Variants in ANKRD11 observed in about 807,000 individuals in gnomAD.
ANKRD11 encodes the protein ankyrin repeat domain 11, also known as ankyrin repeat domain-containing protein 11.
In ANKRD11, 17 loss-of-function variants were observed where a neutral mutation model predicts 195.7. The observed-to-expected ratio is 0.09, with a 90% CI of 0.06 to 0.13. The LOEUF (loss-of-function observed/expected upper bound fraction) is 0.13, where lower values mean the gene tolerates loss of function less well. Among genes scored for constraint, ANKRD11 ranks in the 10% least tolerant of loss-of-function variants. The pLI is 1.00. For synonymous variants in ANKRD11, 1,953 were observed against 1,528.1 expected (o/e 1.28, Z -6.49); for missense variants, 3,735 against 3,566.1 (o/e 1.05, Z -1.21).
intron 2 of ANKRD11, among the ~76,000 whole-genome samples, chr16:89,405,365 G>A (rs752117786): frequency 9.2e-5 from 14 of 152,022 alleles, no homozygotes; most frequent in Non-Finnish European, 1.8e-4. Flanking sequence ...GCTCTGTCAC[G>A]CAGGCTAGAG....
At chr16:89,399,133 C>G (rs1404891426) in intron 2 of ANKRD11, among the ~76,000 whole-genome samples, 2 of 152,202 alleles carry the variant, frequency 1.3e-5, no homozygotes, top group Non-Finnish European at 2.9e-5. Context: ...GAACACGGAG[C>G]AGGAGCATGA....
At chr16:89,439,542 G>C (rs1328980409) in intron 1 of ANKRD11, among the ~76,000 whole-genome samples, 1 of 152,172 alleles carries the variant, frequency 6.6e-6, no homozygotes, top group Non-Finnish European at 1.5e-5. Context: ...ATATGGGTGA[G>C]AAAACCCATC....
chr16:89,484,550 C>T (rs2152378854), intron 1 of ANKRD11, among the ~76,000 whole-genome samples: 1 of 152,298 alleles, frequency 6.6e-6, no homozygotes, highest in African/African-American at 2.4e-5. Context: ...AAGCCATTAG[C>T]ATCCTAAGTC....
intron 3 of ANKRD11, among the ~76,000 whole-genome samples, chr16:89,309,099 CCAT>C (rs1364756195): frequency 2.0e-5 from 3 of 152,322 alleles, no homozygotes; most frequent in South Asian, 2.1e-4. Context: ...CACCACACCA[CCAT>C]GTGACGCCAC....
chr16:89,318,250 C>T (rs2037083616), intron 2 of ANKRD11, among the ~76,000 whole-genome samples: 1 of 152,216 alleles, frequency 6.6e-6, no homozygotes, highest in Non-Finnish European at 1.5e-5. Context: ...CATGGGCCTC[C>T]TCCCTGCCTG....
chr16:89,428,405 A>G (rs1299784122), intron 1 of ANKRD11, among the ~76,000 whole-genome samples: 4 of 152,136 alleles, frequency 2.6e-5, no homozygotes, highest in South Asian at 2.1e-4. Flanking sequence ...GGGCGCCTAT[A>G]GTCCCAGCTG....
intron 4 of ANKRD11, among the ~76,000 whole-genome samples, chr16:89,294,595 C>T (rs1022462038): frequency 6.6e-6 from 1 of 152,184 alleles, no homozygotes; most frequent in Non-Finnish European, 1.5e-5. Flanking sequence ...GAAAGCCCCA[C>T]CCACGGAGCG....
At chr16:89,305,445 G>A in intron 3 of ANKRD11, 101 bp from the exon 4 acceptor site, 1 of 1,507,738 alleles carries the variant, frequency 6.6e-7, no homozygotes, top group Admixed American at 1.8e-5. Flanking sequence ...CTCTTATTTG[G>A]GCAATGAACA....
At chr16:89,384,550 GGGATGGGAATGGGACA>G (rs1244699433) in intron 2 of ANKRD11, among the ~76,000 whole-genome samples, 1 of 147,492 alleles carries the variant, frequency 6.8e-6, no homozygotes, top group Non-Finnish European at 1.5e-5. Flanking sequence ...GGGATGGGAT[GGGATGGGAATGGGACA>G]GGATGGGACG....
chr16:89,389,264 A>G (rs1375318217), intron 2 of ANKRD11, among the ~76,000 whole-genome samples: 2 of 152,054 alleles, frequency 1.3e-5, no homozygotes, highest in East Asian at 1.9e-4. Flanking sequence ...GGCTCAAGCA[A>G]TCTTCCCACC....
chr16:89,273,486 G>C (rs1368397095), intron 11 of ANKRD11, among the ~76,000 whole-genome samples: 2 of 152,086 alleles, frequency 1.3e-5, no homozygotes. Flanking sequence ...TGGATCATAA[G>C]GTCAAGAGAT....
chr16:89,441,418 T>C (rs574844103), intron 1 of ANKRD11, among the ~76,000 whole-genome samples: 2 of 152,032 alleles, frequency 1.3e-5, no homozygotes, highest in African/African-American at 2.4e-5. Context: ...ATATATTCCA[T>C]CACCCAGCAA....
intron 2 of ANKRD11, among the ~76,000 whole-genome samples, chr16:89,381,666 AC>A (rs1567724981): frequency 1.3e-5 from 2 of 152,068 alleles, no homozygotes; most frequent in Non-Finnish European, 2.9e-5. Flanking sequence ...CATCACAGAA[AC>A]CCACCTTCAG....
Position 89,291,266 on chromosome 16 carries a change from G to T in ANKRD11, c.227-83C>A, listed in dbSNP as rs917333551. 14 of 1,537,192 alleles carry T rather than the reference G, an allele frequency of 9.1e-6. No homozygotes were observed. The highest frequency in any genetic ancestry group is 1.2e-5 in the Non-Finnish European group (14 of 1,128,106). ...AGCTAGGTCCTTACCTAATGTTACG[G>T]AGCCCCCTGCGTCCACCTGACAGCT... On this transcript the variant is annotated intron_variant, in intron 4 of 12. Transcript: ENST00000301030. This position sits in a 1 kb window ranked among gnomAD's most constrained non-coding sequence, Gnocchi z 5.3.
intron 2 of ANKRD11, chr16:89,321,026 C>T (rs1021917727): frequency 2.0e-5 from 3 of 152,588 alleles, no homozygotes; most frequent in Admixed American, 2.0e-4. Context: ...AGGGAAGGCA[C>T]AGGGCAGGTT....
chr16:89,486,838 C>A (rs1034592393), intron 1 of ANKRD11, among the ~76,000 whole-genome samples: 5 of 151,950 alleles, frequency 3.3e-5, no homozygotes, highest in Non-Finnish European at 5.9e-5. Context: ...AAACTCCAGT[C>A]TCTACTAACA....
chr16:89,287,355 G>C (rs2034717631), intron 7 of ANKRD11: 1 of 291,358 alleles, frequency 3.4e-6, no homozygotes, highest in South Asian at 3.2e-5. Context: ...CCCCATGTGA[G>C]GCACTCACAA....
intron 2 of ANKRD11, among the ~76,000 whole-genome samples, chr16:89,349,346 GGCGGGC>G (rs1446133523): frequency 1.3e-5 from 2 of 150,626 alleles, no homozygotes; most frequent in Non-Finnish European, 3.0e-5. Context: ...CGGGCGTGGT[GGCGGGC>G]GCCTGTAGTC....
chr16:89,427,308 GAC>G lies in ANKRD11; in HGVS notation c.-144-8942_-144-8941del, dbSNP rs957646828. 2.8e-4 allele frequency among the ~76,000 whole-genome samples: 43 copies of G among 152,236 alleles called. 1 individual carries two copies. The highest frequency in any genetic ancestry group is 9.4e-4 in the African/African-American group (39 of 41,538). On this transcript the variant is annotated intron_variant, in intron 1 of 12. Transcript: ENST00000301030. ...AAAATCCCATATTCATGGATCAAAAGACACAGTGTCTTTACGACAGCAACACC... is the reference window on the plus strand; with the variant it reads ...AAAATCCCATATTCATGGATCAAAAGACAGTGTCTTTACGACAGCAACACC...
Sources: gnomAD v4.1 joint callset for allele counts (sites outside exome capture counted in the v4.1 genomes callset) on GRCh38, gnomAD v4.1.1 for gene constraint, Gnocchi (gnomAD v3.1) non-coding constraint, MANE v1.5 for transcripts, NCBI Gene and HGNC (gene_info 2026-07-23, HGNC 2026-07-21) for gene names.